The following LNX1 variants were observed in gnomAD, a reference collection of about 807,000 sequenced individuals.
LNX1 encodes ligand of numb-protein X 1.
A neutral mutation model predicts 68.4 loss-of-function variants in LNX1; 54 were observed. That is an observed-to-expected ratio of 0.79 (90% CI 0.63 to 0.99). The LOEUF (loss-of-function observed/expected upper bound fraction) is 0.99. Ranked by LOEUF, LNX1 falls within the 50% of genes least tolerant of loss-of-function variation. The pLI, the probability that LNX1 is intolerant of heterozygous loss-of-function variation, is 0.00. For synonymous variants in LNX1, 336 were observed against 350.0 expected, an observed-to-expected ratio of 0.96 and a Z score of 0.45; for missense variants, 906 against 926.4, an observed-to-expected ratio of 0.98 and a Z score of 0.29.
chr4:53,613,336 C>T (rs1733564604), intron 2 of LNX1, among the ~76,000 whole-genome samples: 1 of 146,472 alleles, frequency 6.8e-6, no homozygotes, highest in Non-Finnish European at 1.5e-5. Context: ...TAACCTCCTG[C>T]TTTCCAGGAA....
At chr4:53,609,286 A>G (rs1733373044) in intron 2 of LNX1, among the ~76,000 whole-genome samples, 1 of 149,876 alleles carries the variant, frequency 6.7e-6, no homozygotes, top group Non-Finnish European at 1.5e-5. Context: ...TAAAAAAAAA[A>G]GGAAATCTAA....
intron 6 of LNX1, among the ~76,000 whole-genome samples, chr4:53,490,936 T>C (rs946672609): frequency 1.3e-5 from 2 of 152,246 alleles, no homozygotes; most frequent in Admixed American, 1.3e-4. Flanking sequence ...TAAAAGGTTT[T>C]TCCTGCTTAT....
intron 9 of LNX1, among the ~76,000 whole-genome samples, chr4:53,475,560 T>C (rs2109401659): frequency 6.6e-6 from 1 of 152,328 alleles, no homozygotes; most frequent in South Asian, 2.1e-4. Context: ...AAGAAAAACG[T>C]ACTAAAACTA....
chr4:53,595,756 T>A (rs1338520759), upstream of LNX1, among the ~76,000 whole-genome samples: 1 of 152,190 alleles, frequency 6.6e-6, no homozygotes, highest in Non-Finnish European at 1.5e-5. Flanking sequence ...AGCTCTTTTC[T>A]TGTAGATCCC....
chr4:53,616,624 G>T (rs1331034295), intron 1 of LNX1: 1 of 152,200 alleles, frequency 6.6e-6, no homozygotes, highest in Non-Finnish European at 1.5e-5. Context: ...TTGGTGGACT[G>T]AGCTTATTGG....
chr4:53,499,669 C>A (rs1725339102), intron 4 of LNX1, among the ~76,000 whole-genome samples: 1 of 152,166 alleles, frequency 6.6e-6, no homozygotes, highest in Non-Finnish European at 1.5e-5. Context: ...ACCAATTTGC[C>A]ACTTTGCCCT....
intron 2 of LNX1, among the ~76,000 whole-genome samples, chr4:53,613,551 A>G (rs1041881277): frequency 2.0e-5 from 3 of 151,898 alleles, no homozygotes; most frequent in East Asian, 1.9e-4. Context: ...CATTGTTCCA[A>G]TGCGGTATTT....
At chr4:53,508,679 T>C (rs1726103556) in intron 2 of LNX1, among the ~76,000 whole-genome samples, 1 of 152,220 alleles carries the variant, frequency 6.6e-6, no homozygotes, top group Non-Finnish European at 1.5e-5. Context: ...CCAGATTCCA[T>C]ATTTAACTGT....
intron 4 of LNX1, among the ~76,000 whole-genome samples, chr4:53,504,239 C>T (rs928131238): frequency 3.9e-5 from 6 of 152,240 alleles, no homozygotes; most frequent in African/African-American, 1.4e-4. Flanking sequence ...TTTGCTGCTT[C>T]GTTACAATCA....
chr4:53,462,953 G>A (rs538769311), intron 9 of LNX1, among the ~76,000 whole-genome samples: 1 of 152,254 alleles, frequency 6.6e-6, no homozygotes, highest in Admixed American at 6.5e-5. Context: ...TACAAAGCAG[G>A]TAACTGGCTA....
At chr4:53,573,156 A>G (rs972747527) in intron 2 of LNX1, among the ~76,000 whole-genome samples, 3 of 152,230 alleles carry the variant, frequency 2.0e-5, no homozygotes, top group Non-Finnish European at 4.4e-5. Flanking sequence ...CAAATACTGT[A>G]TGATGTCGTT....
chr4:53,502,984 G>A (rs1725613850), intron 4 of LNX1, among the ~76,000 whole-genome samples: 1 of 151,096 alleles, frequency 6.6e-6, no homozygotes, highest in Non-Finnish European at 1.5e-5. Context: ...AGGCTGGAGT[G>A]CAGTGGTGCG....
chr4:53,459,517 G>T lies in LNX1; in HGVS notation c.*1390C>A. The T allele has an allele frequency of 1.9e-6, 3 of 1,598,608 alleles. No homozygotes were observed. Among genetic ancestry groups the T allele is most frequent in the East Asian group, 2.2e-5 (1 of 44,768 alleles). On this transcript the variant is annotated 3_prime_UTR_variant, in exon 11 of 11. Transcript: ENST00000263925. Reference sequence around the variant, plus strand: ...TACTATAAATCTTGTTATTTTTCTGGATAATGTTTAAGAAATTTACCTTAA... The same window carrying T: ...TACTATAAATCTTGTTATTTTTCTGTATAATGTTTAAGAAATTTACCTTAA...
chr4:53,481,702 C>G lies in LNX1; in HGVS notation c.1485+18G>C, dbSNP rs1311324341. Reference sequence around the variant, plus strand: ...ATAGCCCCTTGCAGGAGCAGGCGACCTGCCCTAGAGGCCTCACCTTGGGAG... The same window carrying G: ...ATAGCCCCTTGCAGGAGCAGGCGACGTGCCCTAGAGGCCTCACCTTGGGAG... On this transcript the variant is annotated intron_variant, in intron 7 of 10. Coordinates refer to ENST00000263925, the MANE Select transcript of LNX1 (RefSeq NM_001126328.3). 6.2e-7 allele frequency: 1 copy of G among 1,604,908 alleles called. No individual in the cohort carries two copies. Among genetic ancestry groups the G allele is most frequent in the Non-Finnish European group, 8.5e-7 (1 of 1,174,932 alleles).
At chr4:53,496,454 A>G in intron 5 of LNX1, 60 bp from the exon 6 acceptor site, 2 of 1,525,554 alleles carry the variant, frequency 1.3e-6, no homozygotes, top group South Asian at 2.6e-5. Context: ...TTCCTGAAAG[A>G]TCCAGGCCCA....
At chr4:53,557,960 C>T (rs1730033987) in intron 2 of LNX1, 2 of 1,613,476 alleles carry the variant, frequency 1.2e-6, no homozygotes, top group African/African-American at 1.3e-5. Context: ...ACAGAAGCGC[C>T]TTCATTCTCC....
chr4:53,615,998 ATTCT>A (rs1733664939), intron 2 of LNX1, among the ~76,000 whole-genome samples: 2 of 123,986 alleles, frequency 1.6e-5, no homozygotes, highest in Admixed American at 8.4e-5. Flanking sequence ...GGTCTTACTA[ATTCT>A]TTCTAACTAT....
chr4:53,479,857 A>G (rs1723804748), intron 7 of LNX1, among the ~76,000 whole-genome samples: 1 of 152,268 alleles, frequency 6.6e-6, no homozygotes, highest in Admixed American at 6.5e-5. Context: ...AGCATAAAGA[A>G]TAACAGAATG....
intron 2 of LNX1, among the ~76,000 whole-genome samples, chr4:53,535,610 A>G (rs573727993): frequency 1.3e-5 from 2 of 152,366 alleles, no homozygotes; most frequent in South Asian, 4.1e-4. Flanking sequence ...GTTACTATCA[A>G]TTATAAAAAT....
Sources: allele counts gnomAD v4.1 joint callset (sites outside exome capture counted in the v4.1 genomes callset), GRCh38; gene constraint gnomAD v4.1.1; transcripts MANE v1.5; gene names NCBI Gene and HGNC (gene_info 2026-07-23, HGNC 2026-07-21).